DTNA: variants seen among roughly 807,000 people sequenced by gnomAD.
The protein encoded by DTNA is dystrophin-related protein 3.
Under a neutral mutation model 100.7 loss-of-function variants are expected in DTNA, and 43 were observed. The observed-to-expected ratio is 0.43, with a 90% CI of 0.33 to 0.55. The LOEUF is 0.55. DTNA is among the 20% of genes least tolerant of loss of function. DTNA has a pLI of 0.04. For missense variants in DTNA, 798 were observed against 953.9 expected (o/e 0.84, Z 2.15); for synonymous variants, 349 against 347.9 (o/e 1.00, Z -0.04).
intron 15 of DTNA, among the ~76,000 whole-genome samples, chr18:34,854,483 A>G (rs2096529298): frequency 6.6e-6 from 1 of 152,240 alleles, no homozygotes; most frequent in Non-Finnish European, 1.5e-5. Context: ...AATAAAGGCA[A>G]CAGAAAGAGC....
intron 1 of DTNA, among the ~76,000 whole-genome samples, chr18:34,632,795 T>C (rs1313857594): frequency 6.6e-6 from 1 of 152,216 alleles, no homozygotes; most frequent in Non-Finnish European, 1.5e-5. Flanking sequence ...ATCCTTATTT[T>C]CATTTTCATC....
chr18:34,540,149 T>A (rs957069437), intron 1 of DTNA, among the ~76,000 whole-genome samples: 1 of 151,966 alleles, frequency 6.6e-6, no homozygotes, highest in Non-Finnish European at 1.5e-5. Flanking sequence ...AAATTGAGGA[T>A]GTCCAAAAAA....
At chr18:34,635,060 C>T (rs964617320) in intron 1 of DTNA, among the ~76,000 whole-genome samples, 1 of 152,124 alleles carries the variant, frequency 6.6e-6, no homozygotes, top group Non-Finnish European at 1.5e-5. Flanking sequence ...AACCACCATT[C>T]TATTCTACAT....
intron 11 of DTNA, among the ~76,000 whole-genome samples, chr18:34,830,371 A>G (rs929263301): frequency 1.3e-5 from 2 of 152,118 alleles, no homozygotes; most frequent in South Asian, 4.1e-4. Context: ...GGCTGAATTG[A>G]AATCCCCACT....
chr18:34,788,555 G>A (rs1372609317), intron 3 of DTNA, among the ~76,000 whole-genome samples: 3 of 152,134 alleles, frequency 2.0e-5, no homozygotes, highest in South Asian at 2.1e-4. Context: ...CCACTGCCCC[G>A]GTTCCTGCAC....
chr18:34,667,327 A>G (rs899663557), intron 1 of DTNA, among the ~76,000 whole-genome samples: 1 of 152,226 alleles, frequency 6.6e-6, no homozygotes, highest in East Asian at 1.9e-4. Flanking sequence ...TTTGGGGCTG[A>G]GACGATGGGG....
At chr18:34,626,686 T>G (rs1375579520) in intron 1 of DTNA, among the ~76,000 whole-genome samples, 4 of 152,106 alleles carry the variant, frequency 2.6e-5, no homozygotes, top group Non-Finnish European at 5.9e-5. Context: ...AACACAGTAA[T>G]AGATATTAGT....
chr18:34,891,091 A>G lies in DTNA; in HGVS notation c.*3357A>G, dbSNP rs2096962465. ...TGAACCAAAAAGAGAAAAAAAAATC[A>G]GAAGTGTTGCATCTTGAGGCGAATT... On this transcript the variant is annotated 3_prime_UTR_variant, in exon 23 of 23. Coordinates refer to ENST00000444659, the MANE Select transcript of DTNA (RefSeq NM_001386795.1). 6.6e-6 allele frequency: 1 copy of G among 152,554 alleles called. No individual in the cohort carries two copies. The highest frequency in any genetic ancestry group is 1.5e-5 in the Non-Finnish European group (1 of 68,034). 9.5% of individuals were successfully genotyped at this position (152,554 alleles called of 1,614,324 possible).
intron 22 of DTNA, among the ~76,000 whole-genome samples, chr18:34,886,088 T>C (rs778625449): frequency 2.0e-5 from 3 of 152,216 alleles, no homozygotes; most frequent in Non-Finnish European, 4.4e-5. Flanking sequence ...TGTACTGCAG[T>C]GGACAGTAAA....
At chr18:34,564,757 T>G (rs1158679635) in intron 1 of DTNA, among the ~76,000 whole-genome samples, 2 of 152,208 alleles carry the variant, frequency 1.3e-5, no homozygotes, top group East Asian at 3.8e-4. Context: ...GTAATACTAT[T>G]AAGTGTATCT....
intron 1 of DTNA, among the ~76,000 whole-genome samples, chr18:34,549,761 A>AT (rs2045204759): frequency 6.6e-6 from 1 of 151,856 alleles, no homozygotes; most frequent in Non-Finnish European, 1.5e-5. Context: ...ATTAGATGAG[A>AT]TTTTTTATTA....
At chr18:34,510,335 C>A (rs577275964) in intron 1 of DTNA, among the ~76,000 whole-genome samples, 22 of 151,964 alleles carry the variant, frequency 1.4e-4, no homozygotes, top group South Asian at 2.1e-4. Flanking sequence ...AGTACCCCGA[C>A]TAGCATCTAG....
At chr18:34,716,197 A>G (rs1283740693) in intron 1 of DTNA, among the ~76,000 whole-genome samples, 1 of 152,228 alleles carries the variant, frequency 6.6e-6, no homozygotes, top group African/African-American at 2.4e-5. Context: ...AGACAATAGC[A>G]GTCTGAAAAA....
chr18:34,756,176 T>G (rs933528762), intron 2 of DTNA, 133 bp downstream of exon 2: 14 of 1,040,818 alleles, frequency 1.3e-5, no homozygotes, highest in Non-Finnish European at 1.7e-5. Context: ...GAAGTGTACA[T>G]TTTGGCCTTT....
chr18:34,885,623 G>A (rs796374350), intron 22 of DTNA, among the ~76,000 whole-genome samples: 8 of 152,288 alleles, frequency 5.3e-5, no homozygotes, highest in African/African-American at 1.7e-4. Flanking sequence ...CCTCATAGAA[G>A]AGGCTGGTAT....
chr18:34,712,146 G>A (rs918620437), intron 1 of DTNA, among the ~76,000 whole-genome samples: 2 of 151,900 alleles, frequency 1.3e-5, no homozygotes, highest in Admixed American at 1.3e-4. Context: ...AAGAGGGAAA[G>A]AAGAAGCAAG....
intron 19 of DTNA, among the ~76,000 whole-genome samples, chr18:34,878,906 A>G (rs939572148): frequency 6.6e-6 from 1 of 152,240 alleles, no homozygotes; most frequent in African/African-American, 2.4e-5. Context: ...TCAGTTTTAA[A>G]AAAATCCTGG....
intron 1 of DTNA, among the ~76,000 whole-genome samples, chr18:34,548,649 T>C (rs2145884808): frequency 6.6e-6 from 1 of 152,180 alleles, no homozygotes; most frequent in East Asian, 1.9e-4. Context: ...AGATTCCTAG[T>C]AGACTTTGAT....
chr18:34,510,771 A>G (rs1423524231), intron 1 of DTNA, among the ~76,000 whole-genome samples: 1 of 151,908 alleles, frequency 6.6e-6, no homozygotes, highest in Non-Finnish European at 1.5e-5. Context: ...TTATGAGTTT[A>G]GAATTTTAAG....
Sources: gnomAD v4.1 joint callset for allele counts (sites outside exome capture counted in the v4.1 genomes callset) on GRCh38, gnomAD v4.1.1 for gene constraint, MANE v1.5 for transcripts, NCBI Gene and HGNC (gene_info 2026-07-23, HGNC 2026-07-21) for gene names.